Variants in MACF1 observed in about 807,000 individuals in gnomAD.
The protein encoded by MACF1 is microtubule-actin cross-linking factor 1.
MACF1 carries 193 observed loss-of-function variants against 854.8 expected under a neutral mutation model. The ratio of observed to expected loss-of-function variants is 0.23; its 90% CI spans 0.20 to 0.25. MACF1 has a LOEUF of 0.25. MACF1 is among the 10% of genes least tolerant of loss of function. MACF1 has a pLI of 1.00. For synonymous variants in MACF1, 3,185 were observed against 3,226.7 expected (o/e 0.99, Z 0.44); for missense variants, 7,722 against 8,929.1 (o/e 0.86, Z 5.45).
At chr1:39,227,182 A>C (rs1409256288) in intron 1 of MACF1, among the ~76,000 whole-genome samples, 1 of 152,144 alleles carries the variant, frequency 6.6e-6, no homozygotes, top group Non-Finnish European at 1.5e-5. Context: ...CCAAAGTGCT[A>C]GGATTACAGG....
At chr1:39,097,404 T>G (rs1367360374) in intron 2 of MACF1, among the ~76,000 whole-genome samples, 1 of 151,936 alleles carries the variant, frequency 6.6e-6, no homozygotes, top group Non-Finnish European at 1.5e-5. Context: ...TGAAGTCGAG[T>G]TGCAATAGGA....
At chr1:39,412,036 G>A (rs1643032315) in intron 58 of MACF1, 1 of 1,613,876 alleles carries the variant, frequency 6.2e-7, no homozygotes, top group African/African-American at 1.3e-5. Context: ...ACAGCCAGCT[G>A]ATCTGGATTC....
chr1:39,362,673 A>G (rs1335498156), intron 49 of MACF1, among the ~76,000 whole-genome samples: 1 of 152,186 alleles, frequency 6.6e-6, no homozygotes, highest in Non-Finnish European at 1.5e-5. Flanking sequence ...GTGGCACAAT[A>G]ATGTATTTCC....
intron 2 of MACF1, among the ~76,000 whole-genome samples, chr1:39,136,434 T>C (rs1178217791): frequency 6.6e-6 from 1 of 152,214 alleles, no homozygotes; most frequent in African/African-American, 2.4e-5. Flanking sequence ...TATCTCCAAC[T>C]GTGGATTCTC....
chr1:39,111,059 G>A (rs912436288), intron 2 of MACF1, among the ~76,000 whole-genome samples: 6 of 152,216 alleles, frequency 3.9e-5, no homozygotes, highest in East Asian at 1.9e-4. Flanking sequence ...ATTGAGCCAT[G>A]TTGTGACTAG....
chr1:39,169,709 T>C (rs1643920593), intron 2 of MACF1, among the ~76,000 whole-genome samples: 1 of 151,706 alleles, frequency 6.6e-6, no homozygotes, highest in South Asian at 2.1e-4. Flanking sequence ...ACACAAACCC[T>C]GTTCCTCATT....
intron 2 of MACF1, among the ~76,000 whole-genome samples, chr1:39,181,093 A>G (rs71642678): frequency 0.013 from 1,907 of 152,270 alleles, 19 homozygotes; most frequent in Non-Finnish European, 0.019. Flanking sequence ...TTTTTAGTAG[A>G]GATGGGATTT....
In MACF1 at chr1:39,371,404, G is replaced by A. The variant is rs920107885; in HGVS notation, c.13096-1075G>A. Among the ~76,000 whole-genome samples, 9 of 151,782 alleles carry A rather than the reference G, an allele frequency of 5.9e-5. 1 individual carries two copies. The South Asian group carries it at 1.7e-3, about 28-fold the overall frequency. ...GTCAGTTTGAAATTAGGCAATATGA[G>A]TAGAGCTCTGTGCCTTTCTCTGCAG... On this transcript the variant is annotated intron_variant, in intron 51 of 100. Transcript: ENST00000564288.
At chr1:39,196,591 T>G (rs1644323113) in intron 2 of MACF1, among the ~76,000 whole-genome samples, 1 of 152,346 alleles carries the variant, frequency 6.6e-6, no homozygotes, top group African/African-American at 2.4e-5. Context: ...TCTACCAAAT[T>G]TATAATCTTA....
chr1:39,463,746 C>T, intron 94 of MACF1, 60 bp downstream of exon 94: 1 of 1,449,224 alleles, frequency 6.9e-7, no homozygotes, highest in South Asian at 1.1e-5. Context: ...GCTGATCCCA[C>T]CTTTTCCTCC....
chr1:39,102,872 G>T (rs1642128272), intron 2 of MACF1: 1 of 702,492 alleles, frequency 1.4e-6, no homozygotes, highest in African/African-American at 1.7e-5. Flanking sequence ...CTTGAAAGAA[G>T]CGAAAAACCT....
At chr1:39,161,138 T>C (rs1643790474) in intron 2 of MACF1, among the ~76,000 whole-genome samples, 1 of 152,178 alleles carries the variant, frequency 6.6e-6, no homozygotes, top group Non-Finnish European at 1.5e-5. Flanking sequence ...TGGAGGGCTT[T>C]AACTTATATT....
In MACF1 at chr1:39,428,093, C is replaced by T. The variant is rs1475870804; in HGVS notation, c.16609C>T (p.Arg5537Ter). 1.2e-6 allele frequency: 2 copies of T among 1,614,154 alleles called. No individual in the cohort carries two copies. Among genetic ancestry groups the T allele is most frequent in the East Asian group, 2.2e-5 (1 of 44,884 alleles). ...LSEKIDSLQA[R>*]YSEIQDRCCR... ...AGAAAAGATAGACTCATTGCAGGCC[C>T]GATACAGTGAAATTCAAGACCGCTG... Residue 5537 changes from arginine (R) to a stop codon, truncating the protein, a stop_gained, in exon 63 of 101, where the codon CGA (arginine) becomes TGA (stop). Transcript: ENST00000564288. LOFTEE classifies it high-confidence loss of function.
intron 2 of MACF1, among the ~76,000 whole-genome samples, chr1:39,168,093 G>C (rs2148217274): frequency 6.6e-6 from 1 of 152,234 alleles, no homozygotes; most frequent in Middle Eastern, 3.4e-3. Flanking sequence ...GACCCAAGGT[G>C]TCTATCAGTG....
chr1:39,448,555 G>T, intron 83 of MACF1, 39 bp from the exon 84 acceptor site: 1 of 1,447,558 alleles, frequency 6.9e-7, no homozygotes, highest in South Asian at 1.6e-5. Context: ...GATGTCGTCT[G>T]ACTTTTAACA....
At chr1:39,206,230 AAGAC>A (rs1644448919) in intron 1 of MACF1, among the ~76,000 whole-genome samples, 1 of 152,222 alleles carries the variant, frequency 6.6e-6, no homozygotes. Context: ...AGCGGAAACA[AAGAC>A]AGACATTTTA....
At chr1:39,412,992 C>A in intron 58 of MACF1, 1 of 1,584,836 alleles carries the variant, frequency 6.3e-7, no homozygotes, top group Non-Finnish European at 8.6e-7. Flanking sequence ...GGGCTACTGT[C>A]CCAGCTGTTA....
intron 2 of MACF1, among the ~76,000 whole-genome samples, chr1:39,092,261 A>G (rs766237077): frequency 4.6e-5 from 7 of 152,200 alleles, no homozygotes; most frequent in Non-Finnish European, 1.0e-4. Context: ...AGAATTAGGA[A>G]CTAAAGAATC....
Position 39,444,843 on chromosome 1 carries a change from G to A in MACF1, c.19605+8G>A, listed in dbSNP as rs1166321985. 4.4e-6 allele frequency: 7 copies of A among 1,577,408 alleles called. No individual in the cohort carries two copies. Among genetic ancestry groups the A allele is most frequent in the Non-Finnish European group, 6.1e-6 (7 of 1,155,196 alleles). ...AAGATGGAAGAAAGAAAGGTACAGT[G>A]TATGATCCCCATGTTTGAGTAATTT... is the stretch of plus-strand genomic sequence containing the variant. On this transcript the variant is annotated splice_region_variant and intron_variant, in intron 80 of 100. Coordinates refer to ENST00000564288, the MANE Select transcript of MACF1 (RefSeq NM_001394062.1).
Sources: gnomAD v4.1 joint callset for allele counts (sites outside exome capture counted in the v4.1 genomes callset) on GRCh38, gnomAD v4.1.1 for gene constraint, MANE v1.5 for transcripts, NCBI Gene and HGNC (gene_info 2026-07-23, HGNC 2026-07-21) for gene names.